Variants in FLT1 observed in about 807,000 individuals in gnomAD.
The protein encoded by FLT1 is vascular endothelial growth factor receptor 1.
FLT1 carries 49 observed loss-of-function variants against 156.3 expected under a neutral mutation model. The observed-to-expected ratio is 0.31, with a 90% CI of 0.25 to 0.40. The LOEUF is 0.40. Among genes scored for constraint, FLT1 ranks in the 10% least tolerant of loss-of-function variants. The pLI is 1.00. For synonymous variants in FLT1, 594 were observed against 583.8 expected (o/e 1.02, Z -0.25); for missense variants, 1,322 against 1,637.2 (o/e 0.81, Z 3.32).
intron 6 of FLT1, among the ~76,000 whole-genome samples, chr13:28,433,278 C>T (rs2137550755): frequency 6.6e-6 from 1 of 152,306 alleles, no homozygotes; most frequent in South Asian, 2.1e-4. Context: ...CCAACGCAGG[C>T]TTCATTCTTC....
intron 14 of FLT1, among the ~76,000 whole-genome samples, chr13:28,371,171 T>A (rs1218078420): frequency 6.6e-6 from 1 of 152,176 alleles, no homozygotes; most frequent in African/African-American, 2.4e-5. Flanking sequence ...AATGCTGGGT[T>A]TCCCATATAA....
chr13:28,466,233 A>C (rs1311028533), intron 3 of FLT1, among the ~76,000 whole-genome samples: 1 of 152,180 alleles, frequency 6.6e-6, no homozygotes, highest in Non-Finnish European at 1.5e-5. Context: ...ATGTTACTTC[A>C]TTTGTTCATT....
chr13:28,338,487 C>G (rs1334008327), intron 17 of FLT1, among the ~76,000 whole-genome samples: 1 of 152,174 alleles, frequency 6.6e-6, no homozygotes, highest in Non-Finnish European at 1.5e-5. Flanking sequence ...GCTGGAGGAA[C>G]TGGAAGGTAG....
intron 11 of FLT1, among the ~76,000 whole-genome samples, chr13:28,401,061 A>C (rs903638129): frequency 1.3e-5 from 2 of 152,178 alleles, no homozygotes; most frequent in Non-Finnish European, 2.9e-5. Flanking sequence ...CCCTGTCTCT[A>C]CTATAAATAC....
chr13:28,443,439 G>A (rs1175090451), intron 3 of FLT1, among the ~76,000 whole-genome samples: 3 of 152,230 alleles, frequency 2.0e-5, no homozygotes, highest in Non-Finnish European at 4.4e-5. Context: ...TGTGTTCAGA[G>A]CAAGTAAACA....
chr13:28,462,258 A>G (rs1879621201), intron 3 of FLT1, among the ~76,000 whole-genome samples: 1 of 152,206 alleles, frequency 6.6e-6, no homozygotes, highest in Admixed American at 6.5e-5. Context: ...CTTTACAGTC[A>G]TAACTCATAT....
intron 10 of FLT1, among the ~76,000 whole-genome samples, chr13:28,420,071 G>A (rs553661823): frequency 2.2e-4 from 34 of 152,344 alleles, no homozygotes; most frequent in African/African-American, 7.2e-4. Flanking sequence ...GCAGAGAAAA[G>A]TGGCAAAGGG....
At chr13:28,332,317 G>A (rs964965718) in intron 18 of FLT1, among the ~76,000 whole-genome samples, 21 of 152,162 alleles carry the variant, frequency 1.4e-4, no homozygotes, top group Non-Finnish European at 2.8e-4. Context: ...AAAAAACCAG[G>A]TGCTGGTTCA....
chr13:28,321,815 C>T (rs1279312106), intron 22 of FLT1, among the ~76,000 whole-genome samples: 1 of 152,290 alleles, frequency 6.6e-6, no homozygotes, highest in Non-Finnish European at 1.5e-5. Context: ...ACTATTTGAT[C>T]AGCGAAGCTG....
intron 15 of FLT1, among the ~76,000 whole-genome samples, chr13:28,353,385 C>T (rs1872789168): frequency 6.6e-6 from 1 of 151,872 alleles, no homozygotes; most frequent in Non-Finnish European, 1.5e-5. Context: ...CCAGCCTGGC[C>T]AACGTGGTGA....
At chr13:28,475,928 A>G (rs1471597971) in intron 1 of FLT1, among the ~76,000 whole-genome samples, 1 of 152,238 alleles carries the variant, frequency 6.6e-6, no homozygotes, top group East Asian at 1.9e-4. Flanking sequence ...CAGAGAGTTC[A>G]TATTCCATCC....
chr13:28,462,003 A>C (rs1291084967), intron 3 of FLT1, among the ~76,000 whole-genome samples: 2 of 152,194 alleles, frequency 1.3e-5, no homozygotes, highest in African/African-American at 2.4e-5. Context: ...TTTTACAGGG[A>C]TGAACTAGAA....
At chr13:28,452,116 A>T (rs1225447824) in intron 3 of FLT1, among the ~76,000 whole-genome samples, 2 of 152,186 alleles carry the variant, frequency 1.3e-5, no homozygotes, top group African/African-American at 4.8e-5. Flanking sequence ...TGCCAGCTGA[A>T]TCCAGCCTGC....
At chr13:28,412,802 T>C (rs1876388666) in intron 10 of FLT1, among the ~76,000 whole-genome samples, 2 of 146,542 alleles carry the variant, frequency 1.4e-5, no homozygotes, top group South Asian at 2.2e-4. Flanking sequence ...AGTGGCGCGA[T>C]CTCGGCTCAC....
chr13:28,361,061 T>C (rs1873095764), intron 14 of FLT1, among the ~76,000 whole-genome samples: 1 of 152,188 alleles, frequency 6.6e-6, no homozygotes, highest in East Asian at 1.9e-4. Flanking sequence ...GGGTGGATCA[T>C]GAGGTCTAGG....
chr13:28,387,489 G>GA, intron 13 of FLT1: 1 of 1,060,274 alleles, frequency 9.4e-7, no homozygotes, highest in Non-Finnish European at 1.1e-6. Flanking sequence ...TTCAAATTGA[G>GA]AAAATCAGAA....
intron 11 of FLT1, among the ~76,000 whole-genome samples, chr13:28,400,147 T>C (rs573904551): frequency 6.6e-6 from 1 of 152,352 alleles, no homozygotes; most frequent in East Asian, 1.9e-4. Context: ...CACAGATCTA[T>C]TGGCAAAATT....
intron 4 of FLT1, among the ~76,000 whole-genome samples, chr13:28,435,466 A>G (rs764045376): frequency 5.9e-5 from 9 of 152,148 alleles, no homozygotes; most frequent in Non-Finnish European, 1.3e-4. Flanking sequence ...TAGACTCCCA[A>G]CTACCACTAT....
intron 12 of FLT1, chr13:28,396,664 T>A: frequency 2.0e-6 from 1 of 490,440 alleles, no homozygotes; most frequent in South Asian, 2.0e-5. Context: ...TACCAGACCC[T>A]GTGCTAGGTA....
Sources: gnomAD v4.1 joint callset for allele counts (sites outside exome capture counted in the v4.1 genomes callset) on GRCh38, gnomAD v4.1.1 for gene constraint, MANE v1.5 for transcripts, NCBI Gene and HGNC (gene_info 2026-07-23, HGNC 2026-07-21) for gene names.